Variants in ADK observed in about 807,000 individuals in gnomAD.
ADK encodes the protein adenosine kinase, also known as N6,N6-dimethyladenosine kinase.
In ADK, 24 loss-of-function variants were observed where a neutral mutation model predicts 44.7. That is an observed-to-expected ratio of 0.54 (90% CI 0.39 to 0.76). The LOEUF is 0.76. Among genes scored for constraint, ADK ranks in the 30% least tolerant of loss-of-function variants. The probability of loss-of-function intolerance (pLI) is 0.00; values close to 1 mark genes in which losing one functional copy is unlikely to be tolerated. For synonymous variants in ADK, 128 were observed against 142.6 expected, an observed-to-expected ratio of 0.90 and a Z score of 0.73; for missense variants, 321 against 425.1, an observed-to-expected ratio of 0.76 and a Z score of 2.15.
chr10:74,507,583 C>T (rs149909726), intron 6 of ADK, among the ~76,000 whole-genome samples: 15 of 152,140 alleles, frequency 9.9e-5, no homozygotes, highest in Admixed American at 4.6e-4. Flanking sequence ...CCACTCCACT[C>T]CAGCCTGGTG....
intron 7 of ADK, among the ~76,000 whole-genome samples, chr10:74,572,649 G>A (rs1199693242): frequency 6.6e-6 from 1 of 152,130 alleles, no homozygotes; most frequent in Non-Finnish European, 1.5e-5. Context: ...CAAATCAGAC[G>A]TAGATTTGGT....
chr10:74,350,088 T>C (rs1275209561), intron 4 of ADK, among the ~76,000 whole-genome samples: 1 of 152,162 alleles, frequency 6.6e-6, no homozygotes, highest in Non-Finnish European at 1.5e-5. Flanking sequence ...TACAGAACTG[T>C]CTACCCCAAA....
At chr10:74,296,446 CCTT>C (rs1839819140) in intron 3 of ADK, among the ~76,000 whole-genome samples, 2 of 151,840 alleles carry the variant, frequency 1.3e-5, no homozygotes, top group African/African-American at 2.4e-5. Context: ...TCAAAATAAA[CCTT>C]CTATTATTAA....
intron 7 of ADK, among the ~76,000 whole-genome samples, chr10:74,552,288 A>G (rs1270083017): frequency 6.6e-6 from 1 of 152,184 alleles, no homozygotes; most frequent in Non-Finnish European, 1.5e-5. Context: ...ACCTAACCAA[A>G]AAAAAAATGT....
At chr10:74,497,621 A>T (rs1020973811) in intron 6 of ADK, among the ~76,000 whole-genome samples, 3 of 152,222 alleles carry the variant, frequency 2.0e-5, no homozygotes, top group Admixed American at 1.3e-4. Flanking sequence ...GAATAAAACA[A>T]AAAAGTGAAT....
chr10:74,540,505 G>GATGCAATCT (rs1849591546), intron 7 of ADK, among the ~76,000 whole-genome samples: 1 of 151,546 alleles, frequency 6.6e-6, no homozygotes, highest in East Asian at 1.9e-4. Context: ...TGTTACCCAG[G>GATGCAATCT]CTGGAGTACA....
At chr10:74,228,138 A>G (rs1179305405) in intron 3 of ADK, among the ~76,000 whole-genome samples, 2 of 152,258 alleles carry the variant, frequency 1.3e-5, no homozygotes, top group Non-Finnish European at 2.9e-5. Flanking sequence ...TTCAGATTTC[A>G]TATACACTTA....
intron 1 of ADK, among the ~76,000 whole-genome samples, chr10:74,182,180 T>G (rs1842583388): frequency 6.6e-6 from 1 of 152,216 alleles, no homozygotes; most frequent in Non-Finnish European, 1.5e-5. Flanking sequence ...CTTTAGAGCC[T>G]TAAAGTTTTC....
At chr10:74,304,850 A>T (rs538008205) in intron 3 of ADK, among the ~76,000 whole-genome samples, 2 of 152,194 alleles carry the variant, frequency 1.3e-5, no homozygotes, top group Non-Finnish European at 2.9e-5. Flanking sequence ...ATGCTTAAAT[A>T]TCGTGGAACA....
chr10:74,664,467 T>A (rs1016132950), intron 9 of ADK, among the ~76,000 whole-genome samples: 1 of 152,196 alleles, frequency 6.6e-6, no homozygotes. Flanking sequence ...TTTTATAGCA[T>A]AGCTTTTCAT....
chr10:74,524,639 C>T (rs1225875050), intron 6 of ADK, among the ~76,000 whole-genome samples: 2 of 152,174 alleles, frequency 1.3e-5, no homozygotes, highest in Non-Finnish European at 2.9e-5. Flanking sequence ...GTGATTGGCC[C>T]ACCTTGGCCT....
intron 4 of ADK, among the ~76,000 whole-genome samples, chr10:74,388,571 G>T (rs1039154490): frequency 2.6e-5 from 4 of 151,528 alleles, no homozygotes; most frequent in African/African-American, 9.7e-5. Context: ...TATATGTCTT[G>T]CACATATTTG....
At chr10:74,353,324 A>T (rs1842029529) in intron 4 of ADK, among the ~76,000 whole-genome samples, 3 of 152,052 alleles carry the variant, frequency 2.0e-5, no homozygotes, top group African/African-American at 4.8e-5. Flanking sequence ...ACCAAACACC[A>T]CATGTTCTCA....
At chr10:74,356,621 C>T (rs572426619) in intron 4 of ADK, among the ~76,000 whole-genome samples, 8 of 152,276 alleles carry the variant, frequency 5.3e-5, no homozygotes, top group African/African-American at 1.7e-4. Flanking sequence ...CACTCCTGTT[C>T]AGTACATCTC....
chr10:74,605,255 C>T (rs1852277693), intron 9 of ADK, among the ~76,000 whole-genome samples: 1 of 152,148 alleles, frequency 6.6e-6, no homozygotes, highest in Non-Finnish European at 1.5e-5. Flanking sequence ...TGCCTGATTG[C>T]CCTGGTCAGA....
At chr10:74,371,566 A>G in intron 4 of ADK, 1 of 1,198,400 alleles carries the variant, frequency 8.3e-7, no homozygotes, top group Non-Finnish European at 1.2e-6. Context: ...CTGCAAATGA[A>G]GGAGGAGGAT....
intron 7 of ADK, among the ~76,000 whole-genome samples, chr10:74,569,093 A>G (rs745700874): frequency 2.4e-4 from 36 of 152,194 alleles, no homozygotes; most frequent in Non-Finnish European, 4.7e-4. Flanking sequence ...ATGTCCCTAC[A>G]AAAGACATGA....
intron 9 of ADK, among the ~76,000 whole-genome samples, chr10:74,606,212 T>C (rs1852319406): frequency 6.6e-6 from 1 of 152,190 alleles, no homozygotes; most frequent in Non-Finnish European, 1.5e-5. Context: ...TTCATTGATT[T>C]TTGGAAGGGT....
At chr10:74,708,185 T>A (rs1589387221) in intron 10 of ADK, 136 bp from the exon 11 acceptor site, 4 of 859,618 alleles carry the variant, frequency 4.7e-6, no homozygotes, top group Non-Finnish European at 5.5e-6. Context: ...TCCCTAACGG[T>A]AACGCACAAG....
Sources: gnomAD v4.1 joint callset for allele counts (sites outside exome capture counted in the v4.1 genomes callset) on GRCh38, gnomAD v4.1.1 for gene constraint, MANE v1.5 for transcripts, NCBI Gene and HGNC (gene_info 2026-07-23, HGNC 2026-07-21) for gene names.